Variants in MICU2 observed in about 807,000 individuals in gnomAD.
MICU2 encodes mitochondrial calcium uptake 2.
A neutral mutation model predicts 60.4 loss-of-function variants in MICU2; 64 were observed. The observed-to-expected ratio is 1.06, with a 90% confidence interval of 0.87 to 1.31. The LOEUF (loss-of-function observed/expected upper bound fraction) is 1.31. MICU2 is among the 50% of genes most tolerant of loss of function. The pLI is 0.00. For synonymous variants in MICU2, 201 were observed against 175.0 expected, an observed-to-expected ratio of 1.15 and a Z score of -1.17; for missense variants, 569 against 531.0, an observed-to-expected ratio of 1.07 and a Z score of -0.70.
intron 1 of MICU2, chr13:21,603,551 G>T (rs766429862): frequency 2.4e-4 from 60 of 249,126 alleles, no homozygotes; most frequent in Middle Eastern, 1.3e-3. Context: ...ACCACCTGCG[G>T]ATGTGAATGC....
At chr13:21,530,931 C>A (rs1886980698) in intron 4 of MICU2, 3 of 763,048 alleles carry the variant, frequency 3.9e-6, no homozygotes, top group Admixed American at 3.5e-5. Context: ...AGAATGTTGG[C>A]CCCAATCCTG....
intron 9 of MICU2, among the ~76,000 whole-genome samples, chr13:21,499,879 G>T (rs961385825): frequency 2.6e-5 from 4 of 152,104 alleles, no homozygotes; most frequent in African/African-American, 9.7e-5. Flanking sequence ...TACAAAAATT[G>T]CGAGGCATGG....
chr13:21,514,022 C>T (rs1200891767), intron 7 of MICU2, among the ~76,000 whole-genome samples: 1 of 152,060 alleles, frequency 6.6e-6, no homozygotes, highest in African/African-American at 2.4e-5. Flanking sequence ...AAGTTAGGAA[C>T]ATGTAAATAT....
intron 4 of MICU2, among the ~76,000 whole-genome samples, chr13:21,532,288 C>G (rs1887021064): frequency 6.6e-6 from 1 of 152,206 alleles, no homozygotes; most frequent in African/African-American, 2.4e-5. Flanking sequence ...CTACCATTTG[C>G]TATCTTCATA....
intron 2 of MICU2, among the ~76,000 whole-genome samples, chr13:21,566,373 C>T (rs1465462885): frequency 2.0e-5 from 3 of 152,148 alleles, no homozygotes; most frequent in Admixed American, 2.0e-4. Flanking sequence ...TGCACGTTGG[C>T]TGCTTATTAA....
At chr13:21,501,432 T>G (rs542713477) in intron 9 of MICU2, among the ~76,000 whole-genome samples, 94 of 152,162 alleles carry the variant, frequency 6.2e-4, no homozygotes, top group African/African-American at 2.2e-3. Context: ...CTGGCTAATT[T>G]TTTGTATTTT....
chr13:21,588,107 A>G (rs1028927801), intron 1 of MICU2, among the ~76,000 whole-genome samples: 9 of 152,176 alleles, frequency 5.9e-5, no homozygotes, highest in African/African-American at 1.9e-4. Context: ...CGTTCTGCGG[A>G]CCACTAAAGA....
chr13:21,515,815 C>G (rs565484825), intron 6 of MICU2, among the ~76,000 whole-genome samples: 2 of 152,144 alleles, frequency 1.3e-5, no homozygotes, highest in East Asian at 1.9e-4. Flanking sequence ...TCAATGCCCC[C>G]CTTTCCCCTA....
intron 1 of MICU2, among the ~76,000 whole-genome samples, chr13:21,593,592 A>AC (rs1888633001): frequency 2.0e-5 from 3 of 149,556 alleles, no homozygotes; most frequent in East Asian, 2.0e-4. Flanking sequence ...AAAAAAAAAA[A>AC]AACAAAGCTG....
At chr13:21,500,580 A>C (rs1201969416) in intron 9 of MICU2, among the ~76,000 whole-genome samples, 1 of 151,590 alleles carries the variant, frequency 6.6e-6, no homozygotes, top group Admixed American at 6.6e-5. Flanking sequence ...ATGCCCGGCT[A>C]CTTTTTTTTG....
chr13:21,525,939 T>C (rs930589872), intron 4 of MICU2, among the ~76,000 whole-genome samples: 2 of 150,466 alleles, frequency 1.3e-5, no homozygotes, highest in African/African-American at 4.9e-5. Context: ...TTTATTTATT[T>C]ATTTATTTAT....
intron 1 of MICU2, among the ~76,000 whole-genome samples, chr13:21,596,040 C>T (rs986637460): frequency 6.6e-6 from 1 of 152,192 alleles, no homozygotes; most frequent in African/African-American, 2.4e-5. Context: ...CCTTTAATTT[C>T]ACAATCTAGT....
At chr13:21,529,460 A>T (rs535102893) in intron 4 of MICU2, among the ~76,000 whole-genome samples, 1 of 152,220 alleles carries the variant, frequency 6.6e-6, no homozygotes, top group Admixed American at 6.5e-5. Flanking sequence ...GGAAGCACTG[A>T]AAGAGATTTG....
rs1452457711 is a variant in MICU2 at position 21,493,038 on chromosome 13, CCTT to C, written c.*208_*210del. ...TACAAAACATTATTTCAAATCTAGG[CCTT>C]CTGACAGAATCCAATATCTATTTTT... On this transcript the variant is annotated 3_prime_UTR_variant, in exon 12 of 12. Transcript: ENST00000382374. 2.6e-5 allele frequency: 9 copies of C among 352,192 alleles called. No homozygotes were observed. The highest frequency in any genetic ancestry group is 1.9e-4 in the African/African-American group (9 of 46,634). 21.8% of individuals were successfully genotyped at this position (352,192 alleles called of 1,614,324 possible).
intron 7 of MICU2, among the ~76,000 whole-genome samples, chr13:21,513,797 G>C (rs1018739499): frequency 2.4e-5 from 3 of 125,272 alleles, no homozygotes; most frequent in Non-Finnish European, 3.4e-5. Context: ...TAAAAAAGAA[G>C]AGTGTGGAAC....
chr13:21,565,901 A>G (rs1566162973), intron 2 of MICU2, among the ~76,000 whole-genome samples: 2 of 152,236 alleles, frequency 1.3e-5, no homozygotes, highest in Non-Finnish European at 2.9e-5. Flanking sequence ...CTTCAATGCC[A>G]TTCATCCCTG....
intron 1 of MICU2, among the ~76,000 whole-genome samples, chr13:21,602,404 C>A (rs1169565957): frequency 1.3e-5 from 2 of 152,152 alleles, no homozygotes; most frequent in Admixed American, 6.5e-5. Flanking sequence ...CGCCTGTAGT[C>A]CCAGCTACTC....
chr13:21,548,930 T>TG (rs1397878907), intron 2 of MICU2, among the ~76,000 whole-genome samples: 3 of 146,606 alleles, frequency 2.0e-5, no homozygotes, highest in African/African-American at 7.6e-5. Context: ...AGTTTTTTTT[T>TG]TTTTTTTTTT....
chr13:21,533,697 G>T (rs1486659009), intron 4 of MICU2, among the ~76,000 whole-genome samples: 1 of 152,026 alleles, frequency 6.6e-6, no homozygotes, highest in Non-Finnish European at 1.5e-5. Flanking sequence ...TCAATTAAGT[G>T]ACTGCATTTT....
Sources: gnomAD v4.1 joint callset for allele counts (sites outside exome capture counted in the v4.1 genomes callset) on GRCh38, gnomAD v4.1.1 for gene constraint, MANE v1.5 for transcripts, NCBI Gene and HGNC (gene_info 2026-07-23, HGNC 2026-07-21) for gene names.